The following CAST variants were observed in gnomAD, a reference collection of about 807,000 sequenced individuals.
CAST encodes the protein calpastatin.
A neutral mutation model predicts 119.6 loss-of-function variants in CAST; 76 were observed. That is an observed-to-expected ratio of 0.64 (90% CI 0.53 to 0.77). The LOEUF (loss-of-function observed/expected upper bound fraction) is 0.77, where lower values mean the gene tolerates loss of function less well. CAST is among the 30% of genes least tolerant of loss of function. The probability of loss-of-function intolerance (pLI) is 0.00; values close to 1 mark genes in which losing one functional copy is unlikely to be tolerated. For synonymous variants in CAST, 319 were observed against 331.6 expected (o/e 0.96, Z 0.41); for missense variants, 953 against 946.5 (o/e 1.01, Z -0.09).
At chr5:96,433,016 C>G in the CAST span, 1 of 1,614,224 alleles carries the variant, frequency 6.2e-7, no homozygotes, top group East Asian at 2.2e-5. Context: ...AAGCAGTGCA[C>G]TGCAGACTCC....
chr5:96,020,738 A>T, the CAST span, among the ~76,000 whole-genome samples: 1 of 152,148 alleles, frequency 6.6e-6, no homozygotes, highest in South Asian at 2.1e-4. Context: ...TAATTATTTC[A>T]TTATATATTA....
chr5:96,078,699 G>A, the CAST span, among the ~76,000 whole-genome samples: 1 of 152,198 alleles, frequency 6.6e-6, no homozygotes, highest in Non-Finnish European at 1.5e-5. Flanking sequence ...TTAATGTCAA[G>A]TTAAATCAAT....
chr5:96,067,909 T>G, the CAST span, among the ~76,000 whole-genome samples: 1 of 152,138 alleles, frequency 6.6e-6, no homozygotes, highest in African/African-American at 2.4e-5. Flanking sequence ...GTTCCTGTAT[T>G]TGCACAGACT....
intron 5 of CAST, 139 bp from the exon 6 acceptor site, chr5:96,727,350 A>C: frequency 1.9e-6 from 1 of 523,710 alleles, no homozygotes; most frequent in Non-Finnish European, 3.3e-6. Flanking sequence ...AACAAACTTA[A>C]CTGATAATGT....
At chr5:96,663,958 C>G (rs1212955395) in intron 1 of CAST, among the ~76,000 whole-genome samples, 1 of 145,992 alleles carries the variant, frequency 6.8e-6, no homozygotes, top group Admixed American at 7.0e-5. Context: ...AAAAAAAAAT[C>G]ACACACAGGA....
At chr5:96,300,651 C>A in the CAST span, among the ~76,000 whole-genome samples, 1 of 151,788 alleles carries the variant, frequency 6.6e-6, no homozygotes, top group African/African-American at 2.4e-5. Flanking sequence ...GAAATTTTTA[C>A]AGAAATTACA....
At chr5:96,104,169 G>A in the CAST span, among the ~76,000 whole-genome samples, 53 of 152,110 alleles carry the variant, frequency 3.5e-4, no homozygotes, top group Non-Finnish European at 5.3e-4. Flanking sequence ...GAAAATTTTC[G>A]CCCATTTTGT....
the CAST span, among the ~76,000 whole-genome samples, chr5:96,378,833 A>G: frequency 3.9e-5 from 6 of 152,142 alleles, no homozygotes; most frequent in East Asian, 1.2e-3. Flanking sequence ...AAAAACTAAC[A>G]TGTATTATTT....
At chr5:96,356,527 G>A in the CAST span, among the ~76,000 whole-genome samples, 1,566 of 152,160 alleles carry the variant, frequency 0.01, 27 homozygotes, top group African/African-American at 0.036. Flanking sequence ...TAAGGAAGGG[G>A]TCCAGTTTCA....
chr5:96,609,882 G>C (rs576806755), intron 1 of CAST, among the ~76,000 whole-genome samples: 2 of 152,272 alleles, frequency 1.3e-5, no homozygotes, highest in Admixed American at 1.3e-4. Context: ...ATGCTGGAAT[G>C]AGCTAAGACT....
chr5:96,022,394 G>A, the CAST span, among the ~76,000 whole-genome samples: 30 of 152,178 alleles, frequency 2.0e-4, no homozygotes, highest in East Asian at 5.8e-4. Context: ...TGCAAATACC[G>A]TACAACAAAG....
chr5:95,992,418 T>A, the CAST span, among the ~76,000 whole-genome samples: 3 of 151,986 alleles, frequency 2.0e-5, no homozygotes, highest in Non-Finnish European at 4.4e-5. Context: ...TTTTTTTTTT[T>A]TCCTTGAAAA....
the CAST span, among the ~76,000 whole-genome samples, chr5:96,231,918 A>T: frequency 4.8e-4 from 73 of 152,212 alleles, no homozygotes; most frequent in Middle Eastern, 3.4e-3. Context: ...CTGGTTCATG[A>T]TGCCAATCCC....
At chr5:96,457,156 C>G in the CAST span, among the ~76,000 whole-genome samples, 1 of 152,152 alleles carries the variant, frequency 6.6e-6, no homozygotes, top group Non-Finnish European at 1.5e-5. Flanking sequence ...ATTTCTCCTT[C>G]TCCATCATTC....
the CAST span, among the ~76,000 whole-genome samples, chr5:96,271,479 C>T: frequency 6.6e-6 from 1 of 151,928 alleles, no homozygotes; most frequent in African/African-American, 2.4e-5. Context: ...TTGACAAAGG[C>T]ATCAAAGACA....
At chr5:96,195,959 G>A in the CAST span, among the ~76,000 whole-genome samples, 2 of 152,178 alleles carry the variant, frequency 1.3e-5, no homozygotes, top group East Asian at 1.9e-4. Flanking sequence ...TTTTCATTCT[G>A]TTACATTCAA....
chr5:96,607,712 A>G (rs904500685), intron 1 of CAST, among the ~76,000 whole-genome samples: 2 of 151,308 alleles, frequency 1.3e-5, no homozygotes, highest in African/African-American at 4.9e-5. Flanking sequence ...TCTTTAAGTC[A>G]GTTGGTCTGG....
chr5:96,711,173 C>T (rs1331772376), intron 3 of CAST, among the ~76,000 whole-genome samples: 1 of 152,124 alleles, frequency 6.6e-6, no homozygotes, highest in Non-Finnish European at 1.5e-5. Flanking sequence ...TTGTGAAATA[C>T]CACTTGATTT....
the CAST span, among the ~76,000 whole-genome samples, chr5:96,195,227 G>A: frequency 2.0e-5 from 3 of 152,186 alleles, no homozygotes; most frequent in African/African-American, 7.2e-5. Flanking sequence ...AGAGCCCAAC[G>A]CACTTCTGAG....
Sources: gnomAD v4.1 joint callset for allele counts (sites outside exome capture counted in the v4.1 genomes callset) on GRCh38, gnomAD v4.1.1 for gene constraint, MANE v1.5 for transcripts, NCBI Gene and HGNC (gene_info 2026-07-23, HGNC 2026-07-21) for gene names.